Variants in NAALADL2 observed in about 807,000 individuals in gnomAD.
NAALADL2 encodes inactive N-acetylated-alpha-linked acidic dipeptidase-like protein 2.
NAALADL2 carries 76 observed loss-of-function variants against 87.2 expected under a neutral mutation model. The observed-to-expected ratio is 0.87, with a 90% CI of 0.72 to 1.05. The LOEUF is 1.05. NAALADL2 is among the 50% of genes least tolerant of loss of function. The probability of loss-of-function intolerance (pLI) is 0.00; values close to 1 mark genes in which losing one functional copy is unlikely to be tolerated. For synonymous variants in NAALADL2, 354 were observed against 331.0 expected (o/e 1.07, Z -0.75); for missense variants, 1,089 against 945.8 (o/e 1.15, Z -1.99).
At chr3:174,792,029 T>C (rs1023552714) in intron 3 of NAALADL2, among the ~76,000 whole-genome samples, 1 of 151,902 alleles carries the variant, frequency 6.6e-6, no homozygotes, top group Admixed American at 6.6e-5. Context: ...GCCAACATGG[T>C]GAAACTCTAT....
chr3:175,778,885 A>C (rs1750630222), intron 13 of NAALADL2, among the ~76,000 whole-genome samples: 1 of 152,178 alleles, frequency 6.6e-6, no homozygotes. Flanking sequence ...AATTAAATTT[A>C]CCTAAGGCAG....
At chr3:175,137,154 A>G (rs776067961) in intron 2 of NAALADL2, among the ~76,000 whole-genome samples, 6 of 152,146 alleles carry the variant, frequency 3.9e-5, no homozygotes, top group Non-Finnish European at 8.8e-5. Flanking sequence ...TTCTCATTAC[A>G]CAATAATAAT....
chr3:174,559,166 G>A (rs1220990517), intron 2 of NAALADL2, among the ~76,000 whole-genome samples: 1 of 152,070 alleles, frequency 6.6e-6, no homozygotes, highest in African/African-American at 2.4e-5. Context: ...GCAGGTCTAT[G>A]CAAACTTAAT....
chr3:175,162,367 A>G (rs1216588416), intron 2 of NAALADL2, among the ~76,000 whole-genome samples: 1 of 152,174 alleles, frequency 6.6e-6, no homozygotes, highest in Non-Finnish European at 1.5e-5. Flanking sequence ...AGATATCCAC[A>G]ATAATGCAAA....
intron 2 of NAALADL2, among the ~76,000 whole-genome samples, chr3:174,718,736 A>T (rs1013676864): frequency 6.6e-6 from 1 of 152,190 alleles, no homozygotes; most frequent in Non-Finnish European, 1.5e-5. Flanking sequence ...TATCTTCCCA[A>T]AGCCTACAAA....
chr3:174,905,956 G>A (rs1486272889), intron 1 of NAALADL2, among the ~76,000 whole-genome samples: 1 of 152,038 alleles, frequency 6.6e-6, no homozygotes, highest in African/African-American at 2.4e-5. Context: ...TGTTAAGCAT[G>A]CTAAAGTTTT....
chr3:175,624,043 G>A (rs549126195), intron 10 of NAALADL2, among the ~76,000 whole-genome samples: 25 of 151,976 alleles, frequency 1.6e-4, no homozygotes, highest in African/African-American at 2.4e-4. Flanking sequence ...CAAACAAGTT[G>A]TTTGCCTTTT....
chr3:174,584,788 CTAT>C, intron 2 of NAALADL2, among the ~76,000 whole-genome samples: 1 of 152,042 alleles, frequency 6.6e-6, no homozygotes, highest in Non-Finnish European at 1.5e-5. Flanking sequence ...AATTGAAGCT[CTAT>C]TATTTATCAA....
At chr3:175,513,215 C>T (rs896589085) in intron 9 of NAALADL2, among the ~76,000 whole-genome samples, 6 of 151,578 alleles carry the variant, frequency 4.0e-5, no homozygotes, top group East Asian at 1.9e-4. Flanking sequence ...ATCCTGGAGA[C>T]GAAAAGAAAA....
In NAALADL2 at chr3:174,713,292, G is replaced by A. The variant is rs185855547; in HGVS notation, c.-114-24349G>A. On this transcript the variant is annotated intron_variant, in intron 2 of 3. Coordinates refer to the NAALADL2 transcript ENST00000434257. Reference sequence around the variant, plus strand: ...TGTGCATGTGTCTTTATAGCAGCATGATTTATAGTCCTTTGGGTATATACC... The same window carrying A: ...TGTGCATGTGTCTTTATAGCAGCATAATTTATAGTCCTTTGGGTATATACC... 5.6e-3 allele frequency among the ~76,000 whole-genome samples: 857 copies of A among 152,286 alleles called. 9 individuals are homozygous for A. Among genetic ancestry groups the A allele is most frequent in the African/African-American group, 0.019 (806 of 41,556 alleles).
At chr3:175,375,817 TC>T (rs1304051276) in intron 5 of NAALADL2, among the ~76,000 whole-genome samples, 2 of 152,130 alleles carry the variant, frequency 1.3e-5, no homozygotes, top group Non-Finnish European at 2.9e-5. Context: ...TCCCATTTGT[TC>T]TTTGTTTTCT....
chr3:175,122,970 A>T (rs1560056160), intron 2 of NAALADL2, among the ~76,000 whole-genome samples: 1 of 151,944 alleles, frequency 6.6e-6, no homozygotes, highest in Non-Finnish European at 1.5e-5. Flanking sequence ...AAAGGGAGCC[A>T]AACTCATCTT....
intron 3 of NAALADL2, among the ~76,000 whole-genome samples, chr3:174,811,079 G>T (rs1454020340): frequency 6.6e-6 from 1 of 152,184 alleles, no homozygotes; most frequent in Non-Finnish European, 1.5e-5. Flanking sequence ...CCTCCACCTA[G>T]ATTGCAGGGG....
rs79846191 is a variant in NAALADL2 at position 174,992,212 on chromosome 3, C to G, written c.44-104578C>G. On this transcript the variant is annotated intron_variant, in intron 1 of 13. Coordinates refer to ENST00000454872, the MANE Select transcript of NAALADL2 (RefSeq NM_207015.3). ...GTTTCTATATTTAGTACTCTGAGAA[C>G]CACCTTTAAACTCTTTGAGTTTTAC... Among the ~76,000 whole-genome samples the G allele has an allele frequency of 3.0e-3, 453 of 152,032 alleles. 21 individuals carry two copies. In the East Asian group the frequency reaches 0.079, roughly 27 times the overall value.
Position 175,411,669 on chromosome 3 carries a change from G to A in NAALADL2, c.1091-35560G>A, listed in dbSNP as rs537504999. ...TAACAAAGAAAAGGGATGGATGAAC[G>A]GGGCAGAATATGACTGTGTCCATTT... On this transcript the variant is annotated intron_variant, in intron 5 of 13. Coordinates refer to ENST00000454872, the MANE Select transcript of NAALADL2 (RefSeq NM_207015.3). 5.3e-5 allele frequency among the ~76,000 whole-genome samples: 8 copies of A among 152,210 alleles called. No homozygotes were observed. The East Asian group carries it at 9.7e-4, about 18-fold the overall frequency.
chr3:174,896,916 A>G (rs1328477728), intron 1 of NAALADL2, among the ~76,000 whole-genome samples: 1 of 152,198 alleles, frequency 6.6e-6, no homozygotes, highest in Non-Finnish European at 1.5e-5. Flanking sequence ...AAAAGCATGC[A>G]CTGGGGTAAA....
intron 11 of NAALADL2, chr3:175,718,720 G>C: frequency 3.0e-6 from 4 of 1,331,508 alleles, no homozygotes; most frequent in Non-Finnish European, 3.2e-6. Context: ...GAGGCGTGGA[G>C]ATCAAGACCA....
intron 9 of NAALADL2, among the ~76,000 whole-genome samples, chr3:175,496,729 TG>T (rs1728864349): frequency 1.3e-5 from 2 of 151,900 alleles, no homozygotes; most frequent in Admixed American, 6.6e-5. Context: ...ATTTTTTGTG[TG>T]GTTTTTTTTT....
At chr3:174,728,931 T>C (rs1038652784) in intron 2 of NAALADL2, among the ~76,000 whole-genome samples, 1 of 152,044 alleles carries the variant, frequency 6.6e-6, no homozygotes. Flanking sequence ...GACCGCCTCA[T>C]CGAGGTCAAG....
Sources: gnomAD v4.1 joint callset for allele counts (sites outside exome capture counted in the v4.1 genomes callset) on GRCh38, gnomAD v4.1.1 for gene constraint, MANE v1.5 for transcripts, NCBI Gene and HGNC (gene_info 2026-07-23, HGNC 2026-07-21) for gene names.